ZBTB44: variants seen among roughly 807,000 people sequenced by gnomAD.
The protein encoded by ZBTB44 is zinc finger and BTB domain-containing protein 44.
ZBTB44 carries 15 observed loss-of-function variants against 54.0 expected under a neutral mutation model. That is an observed-to-expected ratio of 0.28 (90% CI 0.19 to 0.43). The LOEUF (loss-of-function observed/expected upper bound fraction) is 0.43, where lower values mean the gene tolerates loss of function less well. Ranked by LOEUF, ZBTB44 falls within the 20% of genes least tolerant of loss-of-function variation. ZBTB44 has a pLI of 1.00. For synonymous variants in ZBTB44, 230 were observed against 250.1 expected (o/e 0.92, Z 0.76); for missense variants, 487 against 707.1 (o/e 0.69, Z 3.53).
At chr11:130,296,901 T>A (rs1042845179) in intron 1 of ZBTB44, 1 of 729,974 alleles carries the variant, frequency 1.4e-6, no homozygotes, top group Non-Finnish European at 2.5e-6. Context: ...AGTGCCTGCC[T>A]TTGTTGATCT....
In ZBTB44 at chr11:130,289,168, C is replaced by A. The variant is rs545409631; in HGVS notation, c.-57+25207G>T. Among the ~76,000 whole-genome samples, 3 of 151,942 alleles carry A rather than the reference C, an allele frequency of 2.0e-5. No individual in the cohort carries two copies. The East Asian group carries it at 5.9e-4, about 30-fold the overall frequency. On this transcript the variant is annotated intron_variant, in intron 1 of 7. Transcript: ENST00000357899. ...TTGAGGCAGGGGTCCCTTACCTGAA[C>A]AAATCTGCAACGTAGATATAAAAAA...
chr11:130,236,309 C>G, intron 5 of ZBTB44: 2 of 1,187,602 alleles, frequency 1.7e-6, no homozygotes, highest in Non-Finnish European at 2.2e-6. Flanking sequence ...ATGATCTAAA[C>G]CATCACACCC....
At chr11:130,287,818 C>A (rs1443378419) in intron 1 of ZBTB44, among the ~76,000 whole-genome samples, 1 of 151,998 alleles carries the variant, frequency 6.6e-6, no homozygotes, top group African/African-American at 2.4e-5. Context: ...TTATTGAGAA[C>A]CCAAAAGAGC....
chr11:130,244,683 A>AAAAG (rs757418347), intron 2 of ZBTB44, among the ~76,000 whole-genome samples: 5 of 79,066 alleles, frequency 6.3e-5, no homozygotes, highest in African/African-American at 1.4e-4. Context: ...AAAAAAAAAA[A>AAAAG]AAAGAAAGAA....
chr11:130,314,205 T>C (rs1441040325), intron 1 of ZBTB44, among the ~76,000 whole-genome samples, 170 bp downstream of exon 1: 1 of 152,008 alleles, frequency 6.6e-6, no homozygotes, highest in Non-Finnish European at 1.5e-5. Context: ...CCCAGAAGGA[T>C]TAAATGCCAC....
At chr11:130,265,852 A>G (rs763893755) in intron 1 of ZBTB44, among the ~76,000 whole-genome samples, 2 of 152,246 alleles carry the variant, frequency 1.3e-5, no homozygotes, top group Non-Finnish European at 2.9e-5. Context: ...TTGATTCATG[A>G]GGTTGAAGGA....
rs1953858547 is a variant in ZBTB44, at chr11:130,231,044, A to C, written c.*720T>G. On this transcript the variant is annotated 3_prime_UTR_variant, in exon 8 of 8. Transcript: ENST00000357899. The stretch of plus-strand genomic sequence containing the variant: ...GCCTTAAGAAAGATAGCTACGTTTA[A>C]GCACTCTAAACTGGAATATTTATGT... 6.6e-6 allele frequency: 1 copy of C among 152,148 alleles called. No individual in the cohort carries two copies. The highest frequency in any genetic ancestry group is 2.4e-5 in the African/African-American group (1 of 41,466). The allele number at this position is 152,148 out of a possible 1,614,324, so 9.4% of individuals were successfully genotyped here.
At chr11:130,295,655 C>T in intron 1 of ZBTB44, 1 of 1,189,054 alleles carries the variant, frequency 8.4e-7, no homozygotes, top group Non-Finnish European at 1.2e-6. Flanking sequence ...GTTTTACCAA[C>T]ATGACTGAAA....
chr11:130,255,723 T>C (rs1008615675), intron 2 of ZBTB44, among the ~76,000 whole-genome samples: 3 of 151,934 alleles, frequency 2.0e-5, no homozygotes, highest in Admixed American at 6.6e-5. Context: ...GATGTCATTA[T>C]TGATCCCACA....
At chr11:130,257,741 T>C in intron 2 of ZBTB44, among the ~76,000 whole-genome samples, 1 of 152,194 alleles carries the variant, frequency 6.6e-6, no homozygotes. Flanking sequence ...CTAACAAAGT[T>C]AATATGGTCT....
rs181460468 is a variant in ZBTB44 at position 130,272,172 on chromosome 11, C to T, written c.-56-10243G>A. On this transcript the variant is annotated intron_variant, in intron 1 of 7. Coordinates refer to ENST00000357899, the MANE Select transcript of ZBTB44 (RefSeq NM_001301098.2). ...GCTTGAATCTGGGAGGCGGAGGTTG[C>T]GGTGAGCCAAGATCACGCCACTGTA... 3.7e-3 allele frequency among the ~76,000 whole-genome samples: 558 copies of T among 151,768 alleles called. 5 individuals are homozygous for T. Among genetic ancestry groups the T allele is most frequent in the Non-Finnish European group, 3.8e-3 (256 of 67,938 alleles).
intron 1 of ZBTB44, among the ~76,000 whole-genome samples, chr11:130,311,414 G>T (rs1056135519): frequency 3.9e-5 from 6 of 152,032 alleles, no homozygotes; most frequent in Admixed American, 6.6e-5. Context: ...TCATCATGTT[G>T]CCCAGGCTGG....
At position 130,230,275 on chromosome 11, in the gene ZBTB44, C is replaced by T. The variant is rs1476506603; in HGVS notation, c.*1489G>A. ...ATTTAATACAGCTTCCAAAGGCTCC[C>T]AAGAGAACCATTTATAAACTGGGAG... On this transcript the variant is annotated 3_prime_UTR_variant, in exon 8 of 8. Coordinates refer to ENST00000357899, the MANE Select transcript of ZBTB44 (RefSeq NM_001301098.2). 6.6e-6 allele frequency: 1 copy of T among 151,856 alleles called. No individual in the cohort carries two copies. The highest frequency in any genetic ancestry group is 1.5e-5 in the Non-Finnish European group (1 of 67,858). The allele number at this position is 151,856 out of a possible 1,614,324, so 9.4% of individuals were successfully genotyped here. A position where few individuals can be genotyped will look rare whatever the true frequency, so the allele number is the denominator to read the frequency against.
At chr11:130,231,777 A>G (rs1221388937) in intron 7 of ZBTB44, 62 bp from the exon 8 acceptor site, 2 of 152,176 alleles carry the variant, frequency 1.3e-5, no homozygotes, top group African/African-American at 2.4e-5. Context: ...AGATTTTAAA[A>G]TTAATTTTGA....
intron 1 of ZBTB44, among the ~76,000 whole-genome samples, chr11:130,287,904 A>G (rs1941061002): frequency 6.6e-6 from 1 of 151,682 alleles, no homozygotes; most frequent in African/African-American, 2.4e-5. Flanking sequence ...AAAATTATTC[A>G]CCTAAAAATA....
At position 130,299,281 on chromosome 11, in the gene ZBTB44, T is replaced by C. The variant is rs77992094; in HGVS notation, c.-57+15094A>G. On this transcript the variant is annotated intron_variant, in intron 1 of 7. Transcript: ENST00000357899. ...TTTCACCAAAACAGAAAAAAATAAGTAATAAAATATCAAGAAAGCCCTAAA... is the reference window on the plus strand; with the variant it reads ...TTTCACCAAAACAGAAAAAAATAAGCAATAAAATATCAAGAAAGCCCTAAA... Among the ~76,000 whole-genome samples, 9 of 152,032 alleles carry C rather than the reference T, an allele frequency of 5.9e-5. No individual in the cohort carries two copies. In the East Asian group the frequency reaches 1.3e-3, roughly 23 times the overall value.
intron 1 of ZBTB44, among the ~76,000 whole-genome samples, chr11:130,278,709 G>C (rs548626666): frequency 1.3e-5 from 2 of 152,148 alleles, no homozygotes; most frequent in Non-Finnish European, 2.9e-5. Flanking sequence ...CAGTGAAGAA[G>C]AGCACTGCTA....
chr11:130,292,570 G>A (rs1423715849), intron 1 of ZBTB44, among the ~76,000 whole-genome samples: 1 of 152,036 alleles, frequency 6.6e-6, no homozygotes, highest in Admixed American at 6.6e-5. Context: ...CTGAATAAAT[G>A]TTCTTGATTT....
intron 1 of ZBTB44, among the ~76,000 whole-genome samples, chr11:130,278,962 G>C (rs1940308661): frequency 6.6e-6 from 1 of 151,858 alleles, no homozygotes; most frequent in African/African-American, 2.4e-5. Context: ...CTTTTTTTCT[G>C]GTGCATGAGT....
Sources: gnomAD v4.1 joint callset for allele counts (sites outside exome capture counted in the v4.1 genomes callset) on GRCh38, gnomAD v4.1.1 for gene constraint, MANE v1.5 for transcripts, NCBI Gene and HGNC (gene_info 2026-07-23, HGNC 2026-07-21) for gene names.